Variants in CTNNA2 observed in about 807,000 individuals in gnomAD.
CTNNA2 encodes catenin alpha 2, also known as catenin alpha-2.
In CTNNA2, 42 loss-of-function variants were observed where a neutral mutation model predicts 101.0. The ratio of observed to expected loss-of-function variants is 0.42; its 90% CI spans 0.32 to 0.54. The LOEUF (loss-of-function observed/expected upper bound fraction) is 0.54. Ranked by LOEUF, CTNNA2 falls within the 20% of genes least tolerant of loss-of-function variation. CTNNA2 has a pLI of 0.14. For synonymous variants in CTNNA2, 450 were observed against 456.4 expected (o/e 0.99, Z 0.18); for missense variants, 871 against 1,223.1 (o/e 0.71, Z 4.29).
chr2:80,477,907 T>C (rs903492924), intron 9 of CTNNA2, among the ~76,000 whole-genome samples: 5 of 152,108 alleles, frequency 3.3e-5, no homozygotes, highest in African/African-American at 7.2e-5. Context: ...TGGGTAGATA[T>C]CCAGTAGTGG....
chr2:79,597,206 C>T (rs1421378889), intron 1 of CTNNA2, among the ~76,000 whole-genome samples: 1 of 152,126 alleles, frequency 6.6e-6, no homozygotes, highest in East Asian at 1.9e-4. Context: ...GGCGCGGTGG[C>T]TCACACCTGT....
intron 1 of CTNNA2, among the ~76,000 whole-genome samples, chr2:79,581,208 G>A (rs1310636821): frequency 6.6e-6 from 1 of 152,166 alleles, no homozygotes; most frequent in Non-Finnish European, 1.5e-5. Context: ...ACATTATGCT[G>A]GTGAAGATAA....
At chr2:80,195,498 A>G (rs1318071607) in intron 7 of CTNNA2, among the ~76,000 whole-genome samples, 2 of 152,090 alleles carry the variant, frequency 1.3e-5, no homozygotes, top group African/African-American at 4.8e-5. Context: ...CAAGTTTACA[A>G]TCTTAGTCCT....
chr2:79,455,469 C>G (rs1295667830), intron 4 of CTNNA2, among the ~76,000 whole-genome samples: 2 of 152,140 alleles, frequency 1.3e-5, no homozygotes, highest in Non-Finnish European at 2.9e-5. Flanking sequence ...CCTCTCTCCA[C>G]AGACTTCATT....
At chr2:79,509,003 AT>A (rs1671477706), upstream of CTNNA2, among the ~76,000 whole-genome samples, 2 of 73,146 alleles carry the variant, frequency 2.7e-5, no homozygotes, top group Admixed American at 1.5e-4. Flanking sequence ...ATATATATAT[AT>A]ATATATATAA....
intron 7 of CTNNA2, among the ~76,000 whole-genome samples, chr2:80,168,687 A>G (rs1704851892): frequency 1.3e-5 from 2 of 152,188 alleles, no homozygotes; most frequent in South Asian, 4.1e-4. Context: ...CCCATTGGGC[A>G]GCTTTACAAA....
intron 18 of CTNNA2, among the ~76,000 whole-genome samples, chr2:80,624,157 G>A (rs1671428411): frequency 6.6e-6 from 1 of 151,790 alleles, no homozygotes. Flanking sequence ...TAAGAGATAG[G>A]GGCAATAATC....
intron 3 of CTNNA2, among the ~76,000 whole-genome samples, chr2:79,829,417 A>G (rs1205809937): frequency 8.0e-6 from 1 of 125,296 alleles, no homozygotes; most frequent in South Asian, 2.5e-4. Flanking sequence ...ACACACACAG[A>G]CACAAAGCCG....
chr2:79,948,407 G>A, intron 7 of CTNNA2, among the ~76,000 whole-genome samples: 1 of 152,194 alleles, frequency 6.6e-6, no homozygotes, highest in East Asian at 1.9e-4. Context: ...GCTAACAATA[G>A]CCTTCATGAC....
chr2:80,062,911 T>G (rs1201295355), intron 7 of CTNNA2, among the ~76,000 whole-genome samples: 2 of 152,074 alleles, frequency 1.3e-5, no homozygotes, highest in Non-Finnish European at 2.9e-5. Flanking sequence ...TTCACCGTGT[T>G]AGCTAGGATG....
At chr2:80,509,970 C>A (rs1374054582) in intron 9 of CTNNA2, among the ~76,000 whole-genome samples, 4 of 152,182 alleles carry the variant, frequency 2.6e-5, no homozygotes, top group Admixed American at 2.6e-4. Flanking sequence ...CTGTTCTACT[C>A]TCATTGTACC....
At chr2:80,321,317 A>G (rs1357645221) in intron 7 of CTNNA2, among the ~76,000 whole-genome samples, 1 of 152,164 alleles carries the variant, frequency 6.6e-6, no homozygotes, top group Non-Finnish European at 1.5e-5. Context: ...TCGTAGGGAG[A>G]TGGCACTAGG....
At chr2:80,625,393 C>T (rs190736435) in intron 18 of CTNNA2, among the ~76,000 whole-genome samples, 1 of 152,028 alleles carries the variant, frequency 6.6e-6, no homozygotes, top group African/African-American at 2.4e-5. Context: ...GAAATACTAT[C>T]ATCCCCATTG....
intron 9 of CTNNA2, among the ~76,000 whole-genome samples, chr2:80,516,769 C>CA (rs753079428): frequency 2.6e-5 from 4 of 152,166 alleles, no homozygotes; most frequent in Non-Finnish European, 5.9e-5. Flanking sequence ...AATTTGGTCT[C>CA]AAGTGAGCAA....
intron 4 of CTNNA2, among the ~76,000 whole-genome samples, chr2:79,383,468 T>C (rs910368764): frequency 3.9e-5 from 6 of 152,272 alleles, no homozygotes; most frequent in African/African-American, 1.2e-4. Context: ...AGTTTCTGTG[T>C]AGAAACTAGA....
intron 7 of CTNNA2, among the ~76,000 whole-genome samples, chr2:80,232,345 G>GTTTGTTTTTTTTTTTT (rs1709286406): frequency 6.2e-5 from 4 of 64,820 alleles, no homozygotes; most frequent in East Asian, 6.8e-4. Flanking sequence ...TTGTTTGTTT[G>GTTTGTTTTTTTTTTTT]TTTTTTTTTT....
intron 1 of CTNNA2, among the ~76,000 whole-genome samples, chr2:79,640,785 A>G (rs181077378): frequency 7.9e-4 from 121 of 152,300 alleles, no homozygotes; most frequent in Non-Finnish European, 1.4e-3. Flanking sequence ...CTAACTCTCT[A>G]CTATATGCTG....
chr2:80,462,605 CCCTT>C (rs1199594436), intron 9 of CTNNA2, among the ~76,000 whole-genome samples: 2 of 145,050 alleles, frequency 1.4e-5, no homozygotes, highest in Non-Finnish European at 1.5e-5. Flanking sequence ...ATTTTTCTCT[CCCTT>C]CCTTTCCTTC....
intron 4 of CTNNA2, among the ~76,000 whole-genome samples, chr2:79,376,278 G>A (rs1456252282): frequency 2.0e-5 from 3 of 152,106 alleles, no homozygotes. Context: ...AAATGAGTAG[G>A]AAACAGCAAC....
Sources: gnomAD v4.1 joint callset for allele counts (sites outside exome capture counted in the v4.1 genomes callset) on GRCh38, gnomAD v4.1.1 for gene constraint, MANE v1.5 for transcripts, NCBI Gene and HGNC (gene_info 2026-07-23, HGNC 2026-07-21) for gene names.